ZNF513: variants seen among roughly 807,000 people sequenced by gnomAD.
ZNF513 encodes the protein zinc finger protein 513.
In ZNF513, 16 loss-of-function variants were observed where a neutral mutation model predicts 39.7. That is an observed-to-expected ratio of 0.40 (90% CI 0.27 to 0.61). The LOEUF (loss-of-function observed/expected upper bound fraction) is 0.61, where lower values mean the gene tolerates loss of function less well. ZNF513 is among the 20% of genes least tolerant of loss of function. ZNF513 has a pLI of 0.39. For synonymous variants in ZNF513, 348 were observed against 296.5 expected (o/e 1.17, Z -1.79); for missense variants, 699 against 743.6 (o/e 0.94, Z 0.70).
chr2:27,377,365 T>C lies in ZNF513; in HGVS notation c.*180A>G, dbSNP rs1301348621. 4 of 733,808 alleles carry C rather than the reference T, an allele frequency of 5.5e-6. No individual in the cohort carries two copies. The highest frequency in any genetic ancestry group is 7.2e-6 in the Non-Finnish European group (3 of 414,108). 45.5% of individuals were successfully genotyped at this position (733,808 alleles called of 1,614,324 possible). A position where few individuals can be genotyped will look rare whatever the true frequency, so the allele number is the denominator to read the frequency against. ...GAGGTGAATACAGGGCCCTTCTCAC[T>C]GAGCTCGTGAAGTGCCTCAGTCAAG... On this transcript the variant is annotated 3_prime_UTR_variant, in exon 4 of 4. Transcript: ENST00000323703. The surrounding 1 kb of genome is among the most constrained non-coding windows in gnomAD (Gnocchi z 4.4).
rs1422195670 is a variant in ZNF513, at chr2:27,379,038, G to A, written c.228C>T (p.Ala76=). 3.7e-6 allele frequency: 6 copies of A among 1,612,766 alleles called. No homozygotes were observed. The South Asian group carries it at 5.5e-5, about 15-fold the overall frequency. ...TCAGCCCATAGGGAAGCCCAGGCCT[G>A]GCCCCCAGAGAGTCTCCTGGTGAAA... ...ERDSEGDSLG[A]RPGLPYGLSD... The change falls in exon 3 of 4, where the codon GCC becomes GCT. Residue 76 remains alanine (A), a synonymous_variant. Coordinates refer to ENST00000323703, the MANE Select transcript of ZNF513 (RefSeq NM_144631.6).
chr2:27,377,269 A>ATT lies in ZNF513; in HGVS notation c.*275_*276insAA. On this transcript the variant is annotated 3_prime_UTR_variant, in exon 4 of 4. Transcript: ENST00000323703. This position sits in a 1 kb window ranked among gnomAD's most constrained non-coding sequence, Gnocchi z 4.4. Reference sequence around the variant, plus strand: ...GTTTCCTTTATTATAAAGCACTGAAATAAGTTAAATAAACAGGTGGGAGGC... The same window carrying ATT: ...GTTTCCTTTATTATAAAGCACTGAAATTTAAGTTAAATAAACAGGTGGGAGGC... 1.7e-6 allele frequency: 1 copy of ATT among 602,008 alleles called. No homozygotes were observed. Among genetic ancestry groups the ATT allele is most frequent in the Non-Finnish European group, 3.0e-6 (1 of 336,802 alleles). 37.3% of individuals were successfully genotyped at this position (602,008 alleles called of 1,614,324 possible).
chr2:27,380,651 C>G lies in ZNF513; in HGVS notation c.-125G>C. 1 of 1,350,548 alleles carries G rather than the reference C, an allele frequency of 7.4e-7. No homozygotes were observed. Among genetic ancestry groups the G allele is most frequent in the South Asian group, 1.8e-5 (1 of 54,160 alleles). The allele number at this position is 1,350,548 out of a possible 1,614,324, so 83.7% of individuals were successfully genotyped here. Reference sequence around the variant, plus strand: ...GGCCGCCCCCATGCAGCGGCGCGGGCCCTGGGCAGCCCCCGGCCCTGGCCC... The same window carrying G: ...GGCCGCCCCCATGCAGCGGCGCGGGGCCTGGGCAGCCCCCGGCCCTGGCCC... On this transcript the variant is annotated 5_prime_UTR_variant, in exon 1 of 4. Coordinates refer to ENST00000323703, the MANE Select transcript of ZNF513 (RefSeq NM_144631.6).
rs367962941 is a variant in ZNF513 at position 27,378,271 on chromosome 2, G to A, written c.900C>T (p.Cys300=). The A allele has an allele frequency of 5.4e-5, 86 of 1,601,042 alleles. No homozygotes were observed. The highest frequency in any genetic ancestry group is 2.6e-4 in the South Asian group (24 of 91,078). The change falls in exon 4 of 4, where the codon TGC becomes TGT. Residue 300 remains cysteine, a synonymous_variant. Coordinates refer to ENST00000323703, the MANE Select transcript of ZNF513 (RefSeq NM_144631.6). The surrounding 1 kb of genome is among the most constrained non-coding windows in gnomAD (Gnocchi z 8.0). ...GQLRGEGEGL[C]GTGSEPLPEL... is the part of the protein sequence containing the mutation. Reference sequence around the variant, plus strand: ...CTGGCAGTGGTTCTGATCCAGTCCCGCAGAGGCCCTCCCCTTCACCCCGCA... The same window carrying A: ...CTGGCAGTGGTTCTGATCCAGTCCCACAGAGGCCCTCCCCTTCACCCCGCA...
chr2:27,377,352 G>T lies in ZNF513; in HGVS notation c.*193C>A. 1 of 715,822 alleles carries T rather than the reference G, an allele frequency of 1.4e-6. No individual in the cohort carries two copies. Among genetic ancestry groups the T allele is most frequent in the South Asian group, 1.5e-5 (1 of 67,026 alleles). The allele number at this position is 715,822 out of a possible 1,614,324, so 44.3% of individuals were successfully genotyped here. A position where few individuals can be genotyped will look rare whatever the true frequency, so the allele number is the denominator to read the frequency against. ...CCTGGGGGCAGTGGAGGTGAATACAGGGCCCTTCTCACTGAGCTCGTGAAG... is the reference window on the plus strand; with the variant it reads ...CCTGGGGGCAGTGGAGGTGAATACATGGCCCTTCTCACTGAGCTCGTGAAG... On this transcript the variant is annotated 3_prime_UTR_variant, in exon 4 of 4. Coordinates refer to ENST00000323703, the MANE Select transcript of ZNF513 (RefSeq NM_144631.6). This position sits in a 1 kb window ranked among gnomAD's most constrained non-coding sequence, Gnocchi z 4.4.
Position 27,378,945 on chromosome 2 carries a change from A to G in ZNF513, c.321T>C (p.Gly107=). The G allele has an allele frequency of 6.2e-7, 1 of 1,610,826 alleles. No homozygotes were observed. Among genetic ancestry groups the G allele is most frequent in the Non-Finnish European group, 8.5e-7 (1 of 1,178,624 alleles). Residue 107 remains glycine, a synonymous_variant, in exon 3 of 4, where the codon GGT becomes GGC. Coordinates refer to ENST00000323703, the MANE Select transcript of ZNF513 (RefSeq NM_144631.6). The surrounding 1 kb of genome is among the most constrained non-coding windows in gnomAD (Gnocchi z 8.0). ...GCCTCTCACCCCTGGCCTCCCCTGG[A>G]CCCCTGGCTGGCTCCTCAACTTCAC... ...AESEVEEPAR[G]PGEARGERPG...
At position 27,380,456 on chromosome 2, in the gene ZNF513, G is replaced by A. The variant is rs369964783; in HGVS notation, c.55+16C>T. On this transcript the variant is annotated intron_variant, in intron 1 of 3. Transcript: ENST00000323703. ...CCACCCCCGCTCCTCTCCCCTCAAGGCCCCTGACCCCTGACCTTTGACCCC... is the reference window on the plus strand; with the variant it reads ...CCACCCCCGCTCCTCTCCCCTCAAGACCCCTGACCCCTGACCTTTGACCCC... 123 of 1,593,618 alleles carry A rather than the reference G, an allele frequency of 7.7e-5. No homozygotes were observed. The African/African-American group carries it at 1.1e-3, about 15-fold the overall frequency.
Position 27,378,280 on chromosome 2 carries a change from C to A in ZNF513, c.891G>T (p.Glu297Asp), listed in dbSNP as rs754162609. ...PDCGQLRGEG[E>D]GLCGTGSEPL... is the part of the protein sequence containing the mutation. ...GTTCTGATCCAGTCCCGCAGAGGCC[C>A]TCCCCTTCACCCCGCAGCTGCCCAC... Residue 297 changes from glutamate (E) to aspartate (D), a missense_variant, in exon 4 of 4, where the codon GAG (glutamate) becomes GAT (aspartate). Around this residue, in one of 3 missense-constraint regions of ZNF513, gnomAD observed 530 missense variants for 499.3 expected, o/e 1.06. Transcript: ENST00000323703. This position sits in a 1 kb window ranked among gnomAD's most constrained non-coding sequence, Gnocchi z 8.0. 44 of 1,600,890 alleles carry A rather than the reference C, an allele frequency of 2.7e-5. No individual in the cohort carries two copies. Among genetic ancestry groups the A allele is most frequent in the Non-Finnish European group, 3.5e-5 (41 of 1,179,958 alleles).
rs1287342650 is a variant in ZNF513, at chr2:27,378,076, G to A, written c.1095C>T (p.Cys365=). 6 of 1,611,796 alleles carry A rather than the reference G, an allele frequency of 3.7e-6. No individual in the cohort carries two copies. The African/African-American group carries it at 8.0e-5, about 22-fold the overall frequency. ...GGTTGGGATAGTGAGTGGCAAAGGGGCAGAGGCTACAGGCAAAGCCTTTGT... is the reference window on the plus strand; with the variant it reads ...GGTTGGGATAGTGAGTGGCAAAGGGACAGAGGCTACAGGCAAAGCCTTTGT... The part of the protein sequence containing the change: ...PSDKGFACSL[C]PFATHYPNHL... Residue 365 remains cysteine (C), a synonymous_variant, in exon 4 of 4, where the codon TGC becomes TGT. Coordinates refer to ENST00000323703, the MANE Select transcript of ZNF513 (RefSeq NM_144631.6). The surrounding 1 kb of genome is among the most constrained non-coding windows in gnomAD (Gnocchi z 8.0).
At position 27,378,506 on chromosome 2, in the gene ZNF513, G is replaced by A. The variant is rs201094656; in HGVS notation, c.760C>T (p.Pro254Ser). The change falls in exon 3 of 4, where the codon CCC becomes TCC. Residue 254 changes from proline (P) to serine (S), a missense_variant. Transcript: ENST00000323703. This position sits in a 1 kb window ranked among gnomAD's most constrained non-coding sequence, Gnocchi z 8.0. ...GGCACCGCCCCCTCCTGCTCTGTGGGACTGGGAGGCCGGGCTGGTCGTGGA... is the reference window on the plus strand; with the variant it reads ...GGCACCGCCCCCTCCTGCTCTGTGGAACTGGGAGGCCGGGCTGGTCGTGGA... ...CTPRPARPPS[P>S]TEQEGAVPRR... 3.1e-6 allele frequency: 5 copies of A among 1,614,008 alleles called. No individual in the cohort carries two copies. Among genetic ancestry groups the A allele is most frequent in the Non-Finnish European group, 3.4e-6 (4 of 1,180,044 alleles).
chr2:27,377,443 C>T lies in ZNF513; in HGVS notation c.*102G>A. On this transcript the variant is annotated 3_prime_UTR_variant, in exon 4 of 4. Coordinates refer to ENST00000323703, the MANE Select transcript of ZNF513 (RefSeq NM_144631.6). The surrounding 1 kb of genome is among the most constrained non-coding windows in gnomAD (Gnocchi z 4.4). ...CCCCGCCCATGGGGTTGGGCTGGTC[C>T]TTATAGTGCCTACGTTAGTCTGTGT... The T allele has an allele frequency of 3.0e-6, 4 of 1,350,322 alleles. No individual in the cohort carries two copies. Among genetic ancestry groups the T allele is most frequent in the Non-Finnish European group, 4.2e-6 (4 of 960,582 alleles). The allele number at this position is 1,350,322 out of a possible 1,614,324, so 83.6% of individuals were successfully genotyped here. A position where few individuals can be genotyped will look rare whatever the true frequency, so the allele number is the denominator to read the frequency against.
Position 27,378,063 on chromosome 2 carries a change from G to A in ZNF513, c.1108C>T (p.His370Tyr). ...FACSLCPFAT[H>Y]YPNHLARHMK... ...TGCCGGGCCAGGTGGTTGGGATAGT[G>A]AGTGGCAAAGGGGCAGAGGCTACAG... The change falls in exon 4 of 4, where the codon CAC (histidine) becomes TAC (tyrosine). Residue 370 changes from histidine (H) to tyrosine (Y), a missense_variant. Around this residue, in one of 3 missense-constraint regions of ZNF513, gnomAD observed 98 missense variants for 180.2 expected, o/e 0.54. Coordinates refer to ENST00000323703, the MANE Select transcript of ZNF513 (RefSeq NM_144631.6). The surrounding 1 kb of genome is among the most constrained non-coding windows in gnomAD (Gnocchi z 8.0). 6.2e-7 allele frequency: 1 copy of A among 1,610,922 alleles called. No individual in the cohort carries two copies. The highest frequency in any genetic ancestry group is 1.1e-5 in the South Asian group (1 of 90,994).
chr2:27,377,505 C>T lies in ZNF513; in HGVS notation c.*40G>A, dbSNP rs1462976970. On this transcript the variant is annotated 3_prime_UTR_variant, in exon 4 of 4. Coordinates refer to ENST00000323703, the MANE Select transcript of ZNF513 (RefSeq NM_144631.6). This position sits in a 1 kb window ranked among gnomAD's most constrained non-coding sequence, Gnocchi z 4.4. The stretch of plus-strand genomic sequence containing the variant: ...CCAGCGGGGGAGAAAAAGGTGGCTT[C>T]TGGTCCGTCTGTATAAAACATGGGG... The T allele has an allele frequency of 6.2e-7, 1 of 1,607,828 alleles. No individual in the cohort carries two copies. Among genetic ancestry groups the T allele is most frequent in the Admixed American group, 1.7e-5 (1 of 60,020 alleles).
chr2:27,378,388 C>T lies in ZNF513; in HGVS notation c.800-17G>A. On this transcript the variant is annotated splice_polypyrimidine_tract_variant and intron_variant, in intron 3 of 3. Coordinates refer to ENST00000323703, the MANE Select transcript of ZNF513 (RefSeq NM_144631.6). This position sits in a 1 kb window ranked among gnomAD's most constrained non-coding sequence, Gnocchi z 8.0. Reference sequence around the variant, plus strand: ...GCAGAGCATCTGTGGGGACAAAGACCTGGGCTATGAATCCAATCCAAGCAT... The same window carrying T: ...GCAGAGCATCTGTGGGGACAAAGACTTGGGCTATGAATCCAATCCAAGCAT... The T allele has an allele frequency of 6.2e-7, 1 of 1,607,902 alleles. No individual in the cohort carries two copies. The highest frequency in any genetic ancestry group is 1.1e-5 in the South Asian group (1 of 91,050).
In ZNF513 at chr2:27,378,494, C is replaced by A; in HGVS notation, c.772G>T (p.Glu258Ter). Residue 258 changes from glutamate to a stop codon, truncating the protein, a stop_gained, in exon 3 of 4, where the codon GAG (glutamate) becomes TAG (stop). Coordinates refer to ENST00000323703, the MANE Select transcript of ZNF513 (RefSeq NM_144631.6). LOFTEE classifies it high-confidence loss of function. This position sits in a 1 kb window ranked among gnomAD's most constrained non-coding sequence, Gnocchi z 8.0. ...TCAGGTCGCCGGGGCACCGCCCCCT[C>A]CTGCTCTGTGGGACTGGGAGGCCGG... ...PARPPSPTEQ[E>*]GAVPRRPEDA... 1 of 1,614,168 alleles carries A rather than the reference C, an allele frequency of 6.2e-7. No homozygotes were observed. Among genetic ancestry groups the A allele is most frequent in the Non-Finnish European group, 8.5e-7 (1 of 1,180,050 alleles).
In ZNF513 at chr2:27,378,582, G is replaced by A. The variant is rs147229798; in HGVS notation, c.684C>T (p.His228=). The change falls in exon 3 of 4, where the codon CAC becomes CAT. Residue 228 remains histidine (H), a synonymous_variant. Transcript: ENST00000323703. The surrounding 1 kb of genome is among the most constrained non-coding windows in gnomAD (Gnocchi z 8.0). ...LGNLRRHQRT[H]AGPPTPPCPT... ...GGCAGGGAGGAGTGGGGGGCCCTGC[G>A]TGGGTACGCTGATGCCGCCTCAGGT... The A allele has an allele frequency of 1.3e-5, 21 of 1,613,828 alleles. No homozygotes were observed. Among genetic ancestry groups the A allele is most frequent in the Middle Eastern group, 1.6e-4 (1 of 6,084 alleles).
chr2:27,379,027 A>C lies in ZNF513; in HGVS notation c.239T>G (p.Leu80Arg), dbSNP rs1250001641. ...EGDSLGARPG[L>R]PYGLSDDESG... ...CTCATCGTCGCTCAGCCCATAGGGA[A>C]GCCCAGGCCTGGCCCCCAGAGAGTC... The change falls in exon 3 of 4, where the codon CTT becomes CGT. Residue 80 changes from leucine to arginine, a missense_variant. Around this residue, in one of 3 missense-constraint regions of ZNF513, gnomAD observed 530 missense variants for 499.3 expected, o/e 1.06. Transcript: ENST00000323703. 1.9e-6 allele frequency: 3 copies of C among 1,613,066 alleles called. No homozygotes were observed. Among genetic ancestry groups the C allele is most frequent in the African/African-American group, 1.3e-5 (1 of 75,022 alleles).
intron 2 of ZNF513, 103 bp downstream of exon 2, chr2:27,379,990 C>T: frequency 6.8e-7 from 1 of 1,480,514 alleles, no homozygotes; most frequent in Non-Finnish European, 9.4e-7. Context: ...CTAAACCAGC[C>T]CTCGGTTGTG....
intron 2 of ZNF513, 42 bp downstream of exon 2, chr2:27,380,051 C>A (rs751687690): frequency 6.2e-7 from 1 of 1,613,476 alleles, no homozygotes; most frequent in East Asian, 2.2e-5. Flanking sequence ...GGGCTGGGGT[C>A]TCCAGCGGCC....
Sources: gnomAD v4.1 joint callset for allele counts on GRCh38, gnomAD v4.1.1 for gene constraint, gnomAD v4.1.1 regional missense constraint, Gnocchi (gnomAD v3.1) non-coding constraint, MANE v1.5 for transcripts, NCBI Gene and HGNC (gene_info 2026-07-23, HGNC 2026-07-21) for gene names.